Variants in KAT6B observed in about 807,000 individuals in gnomAD.
The protein encoded by KAT6B is histone acetyltransferase KAT6B.
Under a neutral mutation model 187.5 loss-of-function variants are expected in KAT6B, and 10 were observed. The ratio of observed to expected loss-of-function variants is 0.05; its 90% CI spans 0.03 to 0.09. The LOEUF (loss-of-function observed/expected upper bound fraction) is 0.09, where lower values mean the gene tolerates loss of function less well. Ranked by LOEUF, KAT6B falls within the 10% of genes least tolerant of loss-of-function variation. The pLI is 1.00. For synonymous variants in KAT6B, 861 were observed against 926.8 expected, an observed-to-expected ratio of 0.93 and a Z score of 1.29; for missense variants, 1,952 against 2,558.9, an observed-to-expected ratio of 0.76 and a Z score of 5.12.
chr10:74,902,151 G>T (rs1195906765), intron 3 of KAT6B, among the ~76,000 whole-genome samples: 1 of 152,134 alleles, frequency 6.6e-6, no homozygotes, highest in Non-Finnish European at 1.5e-5. Flanking sequence ...CTAGCCCATA[G>T]CTCCTCTTTA....
At chr10:75,012,185 C>T (rs1844654004) in intron 13 of KAT6B, among the ~76,000 whole-genome samples, 1 of 152,138 alleles carries the variant, frequency 6.6e-6, no homozygotes, top group Non-Finnish European at 1.5e-5. Flanking sequence ...CAATGGCTCA[C>T]ACCTGTAATC....
intron 4 of KAT6B, 95 bp downstream of exon 4, chr10:74,960,173 G>A (rs1750280297): frequency 5.6e-6 from 5 of 888,938 alleles, no homozygotes; most frequent in Non-Finnish European, 7.6e-6. Flanking sequence ...TGTTATTTAA[G>A]GCAGTTATAT....
At chr10:74,844,371 G>C (rs1476575571) in intron 3 of KAT6B, among the ~76,000 whole-genome samples, 3 of 152,114 alleles carry the variant, frequency 2.0e-5, no homozygotes, top group Non-Finnish European at 4.4e-5. Context: ...GCTAATTTTT[G>C]TATTTTTAGT....
intron 13 of KAT6B, among the ~76,000 whole-genome samples, chr10:74,994,069 CT>C (rs1843272782): frequency 6.6e-6 from 1 of 152,132 alleles, no homozygotes; most frequent in African/African-American, 2.4e-5. Context: ...TTACCATTCA[CT>C]TATGGCTCTT....
At position 74,984,717 on chromosome 10, in the gene KAT6B, A is replaced by C. The variant is rs1842714692; in HGVS notation, c.2374-363A>C. On this transcript the variant is annotated intron_variant, in intron 11 of 17. Coordinates refer to ENST00000287239, the MANE Select transcript of KAT6B (RefSeq NM_012330.4). ...ACTTGAGAAGTATTTTGATCTGTTT[A>C]TATTTCCTTAATACAGATTTATTCG... 12 of 266,060 alleles carry C rather than the reference A, an allele frequency of 4.5e-5. No homozygotes were observed. In the South Asian group the frequency reaches 5.3e-4, roughly 12 times the overall value. The allele number at this position is 266,060 out of a possible 1,614,324, so 16.5% of individuals were successfully genotyped here.
chr10:75,006,126 C>T (rs1844189420), intron 13 of KAT6B, among the ~76,000 whole-genome samples: 1 of 152,090 alleles, frequency 6.6e-6, no homozygotes, highest in South Asian at 2.1e-4. Flanking sequence ...CAAAAGTCCT[C>T]CTTGTCATAC....
At chr10:75,027,757 G>GC (rs1237236573) in intron 17 of KAT6B, among the ~76,000 whole-genome samples, 1 of 152,142 alleles carries the variant, frequency 6.6e-6, no homozygotes, top group Non-Finnish European at 1.5e-5. Context: ...CCTTACATCA[G>GC]CAACATATTG....
chr10:74,861,287 G>A (rs1241353077), intron 3 of KAT6B, among the ~76,000 whole-genome samples: 2 of 152,176 alleles, frequency 1.3e-5, no homozygotes, highest in African/African-American at 4.8e-5. Context: ...GGGTGACAGA[G>A]CGAGACTCTG....
intron 1 of KAT6B, among the ~76,000 whole-genome samples, chr10:74,832,143 T>G (rs976626590): frequency 1.3e-5 from 2 of 152,248 alleles, no homozygotes; most frequent in African/African-American, 4.8e-5. Context: ...CTTAAAAATG[T>G]ATACCAGTGT....
At chr10:74,833,351 C>G (rs1430314821) in intron 1 of KAT6B, among the ~76,000 whole-genome samples, 1 of 151,976 alleles carries the variant, frequency 6.6e-6, no homozygotes, top group African/African-American at 2.4e-5. Context: ...ATCAGTGTAC[C>G]CTGGCTCCAA....
chr10:74,902,720 G>A (rs1358289282), intron 3 of KAT6B, among the ~76,000 whole-genome samples: 1 of 152,110 alleles, frequency 6.6e-6, no homozygotes, highest in Non-Finnish European at 1.5e-5. Context: ...TGGCTGTCAG[G>A]CCTACGTTAA....
At chr10:74,847,213 A>G (rs1045544037) in intron 3 of KAT6B, among the ~76,000 whole-genome samples, 1 of 152,260 alleles carries the variant, frequency 6.6e-6, no homozygotes, top group Non-Finnish European at 1.5e-5. Context: ...GCATCATGCT[A>G]TAATGAGGAA....
At chr10:74,825,936 G>A (rs1840169616), upstream of KAT6B, among the ~76,000 whole-genome samples, 1 of 151,688 alleles carries the variant, frequency 6.6e-6, no homozygotes, top group Non-Finnish European at 1.5e-5. This position sits in a 1 kb window ranked among gnomAD's most constrained non-coding sequence, Gnocchi z 5.0. Flanking sequence ...ACGGGAGAGA[G>A]GGTGGAGGAG....
chr10:75,019,547 C>T (rs1356292629), intron 13 of KAT6B, among the ~76,000 whole-genome samples: 1 of 152,046 alleles, frequency 6.6e-6, no homozygotes, highest in Non-Finnish European at 1.5e-5. Flanking sequence ...TTTATGGAGC[C>T]GTATGATTTT....
chr10:74,969,821 CCA>C (rs1261260871), intron 5 of KAT6B, 46 bp downstream of exon 5: 1 of 1,365,794 alleles, frequency 7.3e-7, no homozygotes, highest in Non-Finnish European at 1.0e-6. Context: ...TCGCTAATTT[CCA>C]GTGTTAAGGT....
chr10:74,830,788 T>A (rs1371471047), intron 1 of KAT6B, among the ~76,000 whole-genome samples: 3 of 80,356 alleles, frequency 3.7e-5, no homozygotes, highest in Non-Finnish European at 7.3e-5. Flanking sequence ...TTTTTTTTTT[T>A]TTTTTTTTTT....
At position 74,963,750 on chromosome 10, in the gene KAT6B, T is replaced by A. The variant is rs146857814; in HGVS notation, c.730+3672T>A. On this transcript the variant is annotated intron_variant, in intron 4 of 17. Coordinates refer to ENST00000287239, the MANE Select transcript of KAT6B (RefSeq NM_012330.4). ...GAGTTGGTTGCTTAGTCATCCAGTT[T>A]CACATTGACTAGATGCAGATTGAAT... is the stretch of plus-strand genomic sequence containing the variant. 6.3e-3 allele frequency among the ~76,000 whole-genome samples: 962 copies of A among 152,308 alleles called. 13 individuals carry two copies. Among genetic ancestry groups the A allele is most frequent in the East Asian group, 0.032 (166 of 5,184 alleles).
In KAT6B at chr10:75,030,998, C is replaced by G; in HGVS notation, c.6174C>G (p.Asn2058Lys). Residue 2058 changes from asparagine (N) to lysine (K), a missense_variant, in exon 18 of 18, where the codon AAC becomes AAG. Asn to Lys is a moderately conservative substitution (Grantham distance 94, BLOSUM62 0). Coordinates refer to ENST00000287239, the MANE Select transcript of KAT6B (RefSeq NM_012330.4). The surrounding 1 kb of genome is among the most constrained non-coding windows in gnomAD (Gnocchi z 4.8). Reference sequence around the variant, plus strand: ...CCCCCGGACATCACGGCTACATGAACACAGGCATGTCCAAACAGTCTCTCA... The same window carrying G: ...CCCCCGGACATCACGGCTACATGAAGACAGGCATGTCCAAACAGTCTCTCA... Reference protein sequence around the residue: ...YTAPGHHGYMNTGMSKQSLNG... With the variant: ...YTAPGHHGYMKTGMSKQSLNG... The G allele has an allele frequency of 6.2e-7, 1 of 1,614,162 alleles. No individual in the cohort carries two copies. The highest frequency in any genetic ancestry group is 8.5e-7 in the Non-Finnish European group (1 of 1,180,010).
rs201708684 is a variant in KAT6B, at chr10:75,020,637, C to T, written c.2685C>T (p.Ser895=). 1.3e-5 allele frequency: 21 copies of T among 1,614,238 alleles called. No individual in the cohort carries two copies. The highest frequency in any genetic ancestry group is 2.7e-5 in the African/African-American group (2 of 75,050). Residue 895 remains serine, a synonymous_variant, in exon 14 of 18, where the codon TCC becomes TCT. Coordinates refer to ENST00000287239, the MANE Select transcript of KAT6B (RefSeq NM_012330.4). The stretch of plus-strand genomic sequence containing the variant: ...CAGGGTCTCCTGAAAAGCCTCTCTC[C>T]GATCTGGGCCGTCTCTCCTACCTGG... ...GQAGSPEKPL[S]DLGRLSYLAY...
Sources: gnomAD v4.1 joint callset for allele counts (sites outside exome capture counted in the v4.1 genomes callset) on GRCh38, gnomAD v4.1.1 for gene constraint, Gnocchi (gnomAD v3.1) non-coding constraint, MANE v1.5 for transcripts, NCBI Gene and HGNC (gene_info 2026-07-23, HGNC 2026-07-21) for gene names.